OR56A3: variants seen among roughly 807,000 people sequenced by gnomAD.
OR56A3 encodes olfactory receptor 56A3.
Under a neutral mutation model 17.5 loss-of-function variants are expected in OR56A3, and 23 were observed. The ratio of observed to expected loss-of-function variants is 1.32; its 90% CI spans 0.95 to 1.87. The LOEUF (loss-of-function observed/expected upper bound fraction) is 1.87. Ranked by LOEUF, OR56A3 falls within the 40% of genes most tolerant of loss-of-function variation. The pLI is 0.00. For missense variants in OR56A3, 366 were observed against 380.1 expected (o/e 0.96, Z 0.31); for synonymous variants, 175 against 150.6 (o/e 1.16, Z -1.19).
the OR56A3 span, among the ~76,000 whole-genome samples, chr11:5,962,691 A>G: frequency 6.6e-6 from 1 of 151,842 alleles, no homozygotes; most frequent in Admixed American, 6.6e-5. Flanking sequence ...GGCGCCTGCC[A>G]CCGCGCCCGG....
the OR56A3 span, among the ~76,000 whole-genome samples, chr11:5,995,888 C>T: frequency 1.2e-4 from 18 of 152,096 alleles, no homozygotes; most frequent in Admixed American, 6.5e-5. Flanking sequence ...TCTCTCAATC[C>T]CTCCCTCCCA....
the OR56A3 span, among the ~76,000 whole-genome samples, chr11:6,009,809 T>C: frequency 5.9e-5 from 9 of 152,354 alleles, no homozygotes; most frequent in African/African-American, 2.2e-4. Flanking sequence ...TCCCTTTGAA[T>C]GTTTCTCCTC....
chr11:5,987,133 AG>A, the OR56A3 span: 1 of 603,960 alleles, frequency 1.7e-6, no homozygotes, highest in South Asian at 2.1e-5. Flanking sequence ...TAGAGATAAG[AG>A]TAAACATAAG....
At chr11:6,012,060 C>T in the OR56A3 span, among the ~76,000 whole-genome samples, 1 of 152,202 alleles carries the variant, frequency 6.6e-6, no homozygotes, top group South Asian at 2.1e-4. Flanking sequence ...GGCTGTAGCT[C>T]CTCTTTTCAC....
chr11:5,942,510 T>C (rs1847844749), intron 1 of OR56A3, 136 bp downstream of exon 1: 1 of 152,196 alleles, frequency 6.6e-6, no homozygotes, highest in Non-Finnish European at 1.5e-5. Context: ...AAGTGCATAA[T>C]TTGGAGCCAA....
At chr11:5,952,215 A>C (rs1050617825), downstream of OR56A3, among the ~76,000 whole-genome samples, 6 of 152,212 alleles carry the variant, frequency 3.9e-5, no homozygotes, top group Admixed American at 1.3e-4. Flanking sequence ...GCCATGGAGA[A>C]TCTAAGGCAG....
the OR56A3 span, among the ~76,000 whole-genome samples, chr11:6,010,671 T>C: frequency 3.3e-5 from 5 of 152,200 alleles, no homozygotes; most frequent in African/African-American, 1.2e-4. Flanking sequence ...CCTCAGGTAG[T>C]TTGTCATAGC....
the OR56A3 span, among the ~76,000 whole-genome samples, chr11:5,996,541 A>G: frequency 1.3e-5 from 2 of 151,518 alleles, no homozygotes; most frequent in African/African-American, 4.9e-5. Flanking sequence ...GTGGCTATTC[A>G]GTAAAGAACT....
the OR56A3 span, among the ~76,000 whole-genome samples, chr11:5,993,549 A>G: frequency 6.6e-6 from 1 of 152,150 alleles, no homozygotes; most frequent in African/African-American, 2.4e-5. Context: ...CAAAGGTGAG[A>G]ATTAAATGTA....
chr11:5,960,763 TG>T, the OR56A3 span, among the ~76,000 whole-genome samples: 2 of 148,286 alleles, frequency 1.3e-5, no homozygotes, highest in African/African-American at 5.0e-5. Context: ...CAGCCCAGTC[TG>T]GGAAGTGAGG....
At chr11:5,999,576 A>G in the OR56A3 span, 59,393 of 152,010 alleles carry the variant, frequency 0.39, 12,420 homozygotes, top group African/African-American at 0.54. Flanking sequence ...GGTCTTCACT[A>G]TATAAAGGTT....
chr11:5,974,547 T>C, the OR56A3 span, among the ~76,000 whole-genome samples: 1 of 152,206 alleles, frequency 6.6e-6, no homozygotes, highest in Non-Finnish European at 1.5e-5. Context: ...GTTATTCACA[T>C]ATTGATGAGA....
downstream of OR56A3, among the ~76,000 whole-genome samples, chr11:5,952,340 C>T (rs1399295170): frequency 1.3e-5 from 2 of 152,082 alleles, no homozygotes; most frequent in South Asian, 2.1e-4. Context: ...GGAACAGAAT[C>T]CTATAAGCTG....
chr11:5,966,590 C>G, the OR56A3 span, among the ~76,000 whole-genome samples: 1 of 152,002 alleles, frequency 6.6e-6, no homozygotes, highest in East Asian at 1.9e-4. Flanking sequence ...ATATACTGAT[C>G]AGAGCATGAT....
the OR56A3 span, chr11:6,002,957 G>C: frequency 1.9e-6 from 3 of 1,614,008 alleles, no homozygotes; most frequent in East Asian, 6.7e-5. Flanking sequence ...GGAATTCAGA[G>C]ACTGGGGCAG....
At chr11:5,965,404 T>C in the OR56A3 span, among the ~76,000 whole-genome samples, 1 of 152,170 alleles carries the variant, frequency 6.6e-6, no homozygotes, top group Non-Finnish European at 1.5e-5. Context: ...GCCAAATCAG[T>C]ATGCCTGGAA....
At chr11:5,945,847 T>A (rs958453698) in intron 2 of OR56A3, among the ~76,000 whole-genome samples, 48 of 152,186 alleles carry the variant, frequency 3.2e-4, no homozygotes, top group African/African-American at 1.1e-3. Context: ...AATAACCATA[T>A]AATTTTGTTA....
chr11:5,961,074 G>A, the OR56A3 span, among the ~76,000 whole-genome samples: 793 of 151,706 alleles, frequency 5.2e-3, 10 homozygotes, highest in African/African-American at 0.017. Context: ...CCCGGCAGCC[G>A]CCCCATCCGG....
chr11:5,967,679 A>T, the OR56A3 span: 1 of 1,613,914 alleles, frequency 6.2e-7, no homozygotes, highest in Non-Finnish European at 8.5e-7. Flanking sequence ...GGACATCCGG[A>T]GGAATTCTCT....
Sources: allele counts gnomAD v4.1 joint callset (sites outside exome capture counted in the v4.1 genomes callset), GRCh38; gene constraint gnomAD v4.1.1; transcripts MANE v1.5; gene names NCBI Gene and HGNC (gene_info 2026-07-23, HGNC 2026-07-21).